The following ADGRB3 variants were observed in gnomAD, a reference collection of about 807,000 sequenced individuals.
ADGRB3 encodes the protein brain-specific angiogenesis inhibitor 3.
ADGRB3 carries 37 observed loss-of-function variants against 193.4 expected under a neutral mutation model. The observed-to-expected ratio is 0.19, with a 90% CI of 0.15 to 0.25. The LOEUF (loss-of-function observed/expected upper bound fraction) is 0.25, where lower values mean the gene tolerates loss of function less well. ADGRB3 is among the 10% of genes least tolerant of loss of function. ADGRB3 has a pLI of 1.00. For missense variants in ADGRB3, 1,637 were observed against 1,852.9 expected (o/e 0.88, Z 2.14); for synonymous variants, 690 against 644.2 (o/e 1.07, Z -1.08).
rs1561979554 is a variant in ADGRB3, at chr6:68,639,388, A to G, written c.713A>G (p.Gln238Arg). ...GCLTQELQTTQVCNLTREAKR... is the reference protein window; with the variant it reads ...GCLTQELQTTRVCNLTREAKR... ...CTGACCCAGGAGCTGCAAACCACCC[A>G]AGTCTGCAATCTTACCAGGGAGGCC... Residue 238 changes from glutamine to arginine, a missense_variant, in exon 3 of 32, where the codon CAA becomes CGA. Coordinates refer to ENST00000370598, the MANE Select transcript of ADGRB3 (RefSeq NM_001704.3). 1.9e-6 allele frequency: 3 copies of G among 1,613,424 alleles called. No individual in the cohort carries two copies. The highest frequency in any genetic ancestry group is 2.5e-6 in the Non-Finnish European group (3 of 1,179,802).
At chr6:69,311,084 C>T (rs1264971944) in intron 20 of ADGRB3, among the ~76,000 whole-genome samples, 1 of 151,700 alleles carries the variant, frequency 6.6e-6, no homozygotes, top group Non-Finnish European at 1.5e-5. Context: ...GACGTATCTT[C>T]AATCTTGCTT....
intron 3 of ADGRB3, among the ~76,000 whole-genome samples, chr6:68,855,647 A>G (rs1764964276): frequency 6.6e-6 from 1 of 152,176 alleles, no homozygotes; most frequent in African/African-American, 2.4e-5. Flanking sequence ...TTTACTCTTC[A>G]AAGAACAATA....
intron 3 of ADGRB3, among the ~76,000 whole-genome samples, chr6:68,818,287 C>A (rs1007665668): frequency 6.6e-6 from 1 of 151,996 alleles, no homozygotes; most frequent in African/African-American, 2.4e-5. Context: ...GCACTTTTAA[C>A]GTCACTATAC....
At chr6:69,024,393 C>T (rs1429343793) in intron 13 of ADGRB3, among the ~76,000 whole-genome samples, 1 of 152,124 alleles carries the variant, frequency 6.6e-6, no homozygotes, top group African/African-American at 2.4e-5. Context: ...ACACAGTGAA[C>T]AGGACCTAAA....
chr6:69,186,261 G>T (rs1259876638), intron 17 of ADGRB3, among the ~76,000 whole-genome samples: 1 of 150,746 alleles, frequency 6.6e-6, no homozygotes, highest in Non-Finnish European at 1.5e-5. Flanking sequence ...CTTTGTCCTT[G>T]GCCACAAATA....
At chr6:69,362,339 A>T (rs187340361) in intron 29 of ADGRB3, among the ~76,000 whole-genome samples, 7 of 152,114 alleles carry the variant, frequency 4.6e-5, no homozygotes, top group East Asian at 1.9e-4. Flanking sequence ...AGATTATTAC[A>T]TAAAACACTA....
intron 29 of ADGRB3, among the ~76,000 whole-genome samples, chr6:69,368,561 T>C (rs954878491): frequency 5.3e-5 from 8 of 151,982 alleles, no homozygotes; most frequent in Non-Finnish European, 1.0e-4. Flanking sequence ...AAAGATGGTA[T>C]TCAAAATCAT....
intron 29 of ADGRB3, among the ~76,000 whole-genome samples, chr6:69,362,218 G>A (rs1435285913): frequency 2.6e-5 from 4 of 151,876 alleles, no homozygotes; most frequent in Admixed American, 6.6e-5. Flanking sequence ...GAGTAAACTC[G>A]TCACTGCTTA....
chr6:69,018,043 A>T (rs1770147785), intron 12 of ADGRB3, among the ~76,000 whole-genome samples: 1 of 151,940 alleles, frequency 6.6e-6, no homozygotes, highest in East Asian at 1.9e-4. Flanking sequence ...CAAGCTAAAC[A>T]TGTAAAGAGC....
intron 13 of ADGRB3, among the ~76,000 whole-genome samples, chr6:69,038,462 G>A (rs1175367713): frequency 6.6e-6 from 1 of 152,098 alleles, no homozygotes; most frequent in African/African-American, 2.4e-5. Context: ...CTTACTTTCT[G>A]AGGAAAGAGG....
At chr6:68,965,892 A>G (rs999132498) in intron 8 of ADGRB3, among the ~76,000 whole-genome samples, 3 of 152,170 alleles carry the variant, frequency 2.0e-5, no homozygotes, top group Non-Finnish European at 2.9e-5. Flanking sequence ...TACAAAACAC[A>G]CACAAGTGCC....
chr6:69,372,322 A>G (rs1266707890), intron 29 of ADGRB3, 84 bp from the exon 30 acceptor site: 4 of 751,196 alleles, frequency 5.3e-6, no homozygotes, highest in Non-Finnish European at 8.2e-6. Context: ...ATCTTTAATG[A>G]AAATGATGAT....
At chr6:69,362,726 A>C (rs1229375363) in intron 29 of ADGRB3, among the ~76,000 whole-genome samples, 1 of 151,998 alleles carries the variant, frequency 6.6e-6, no homozygotes, top group Non-Finnish European at 1.5e-5. Flanking sequence ...GTTCAACTCC[A>C]GGGTGACTGA....
chr6:69,318,313 A>AT (rs1768363137), intron 20 of ADGRB3, among the ~76,000 whole-genome samples: 1 of 151,414 alleles, frequency 6.6e-6, no homozygotes, highest in Admixed American at 6.6e-5. Context: ...ATTATATCAA[A>AT]TGCTTTCACG....
chr6:68,774,367 C>T (rs1766697183), intron 3 of ADGRB3, among the ~76,000 whole-genome samples: 1 of 144,448 alleles, frequency 6.9e-6, no homozygotes, highest in African/African-American at 2.6e-5. Flanking sequence ...TTCCACTATG[C>T]CTATTTTTTT....
chr6:69,299,373 A>G (rs1022237504), intron 20 of ADGRB3, among the ~76,000 whole-genome samples: 1 of 151,714 alleles, frequency 6.6e-6, no homozygotes, highest in East Asian at 1.9e-4. Flanking sequence ...CACTTTGTTA[A>G]TTGTTTCCTT....
intron 3 of ADGRB3, among the ~76,000 whole-genome samples, chr6:68,686,599 T>A (rs1764987172): frequency 6.6e-6 from 1 of 152,204 alleles, no homozygotes; most frequent in African/African-American, 2.4e-5. Flanking sequence ...CACACATCAG[T>A]GGAGTTTGCT....
At chr6:69,168,660 A>G (rs1291137633) in intron 17 of ADGRB3, among the ~76,000 whole-genome samples, 1 of 152,078 alleles carries the variant, frequency 6.6e-6, no homozygotes, top group Non-Finnish European at 1.5e-5. Context: ...ATTTAAATTA[A>G]TTTAAAATTT....
intron 5 of ADGRB3, among the ~76,000 whole-genome samples, chr6:68,939,314 C>G (rs1166153294): frequency 6.6e-6 from 1 of 152,134 alleles, no homozygotes; most frequent in Non-Finnish European, 1.5e-5. Flanking sequence ...ATAAATAACT[C>G]CCACATGCTT....
Sources: allele counts gnomAD v4.1 joint callset (sites outside exome capture counted in the v4.1 genomes callset), GRCh38; gene constraint gnomAD v4.1.1; transcripts MANE v1.5; gene names NCBI Gene and HGNC (gene_info 2026-07-23, HGNC 2026-07-21).